DTNA: variants seen among roughly 807,000 people sequenced by gnomAD.
DTNA encodes the protein dystrobrevin alpha, also known as dystrophin-related protein 3.
DTNA carries 43 observed loss-of-function variants against 100.7 expected under a neutral mutation model. The observed-to-expected ratio is 0.43, with a 90% confidence interval of 0.33 to 0.55. The LOEUF is 0.55. Among genes scored for constraint, DTNA ranks in the 20% least tolerant of loss-of-function variants. DTNA has a pLI of 0.04. For synonymous variants in DTNA, 349 were observed against 347.9 expected (o/e 1.00, Z -0.04); for missense variants, 798 against 953.9 (o/e 0.84, Z 2.15).
intron 1 of DTNA, among the ~76,000 whole-genome samples, chr18:34,661,869 C>T (rs550679135): frequency 1.3e-5 from 2 of 152,036 alleles, no homozygotes; most frequent in South Asian, 2.1e-4. Flanking sequence ...ATGTGGCCTA[C>T]CCAGTTTGGG....
chr18:34,685,508 T>G (rs1204045941), intron 1 of DTNA, among the ~76,000 whole-genome samples: 1 of 152,242 alleles, frequency 6.6e-6, no homozygotes, highest in African/African-American at 2.4e-5. Flanking sequence ...ATATCTGTGT[T>G]GGTACCAGTA....
intron 1 of DTNA, among the ~76,000 whole-genome samples, chr18:34,751,468 T>C (rs1426026032): frequency 1.3e-5 from 2 of 152,232 alleles, no homozygotes; most frequent in African/African-American, 2.4e-5. Context: ...TGGAAAGCCC[T>C]TTATCGTCTA....
chr18:34,564,136 A>G (rs994150384), intron 1 of DTNA, among the ~76,000 whole-genome samples: 1 of 151,326 alleles, frequency 6.6e-6, no homozygotes, highest in Non-Finnish European at 1.5e-5. Flanking sequence ...TTCGACCAAC[A>G]TGTCCGTACT....
At chr18:34,782,885 G>A (rs1368418875) in intron 3 of DTNA, among the ~76,000 whole-genome samples, 1 of 152,152 alleles carries the variant, frequency 6.6e-6, no homozygotes, top group Non-Finnish European at 1.5e-5. Flanking sequence ...GAGACAGAAA[G>A]TGGAGGTGAG....
chr18:34,775,343 A>G (rs905959838), intron 3 of DTNA, among the ~76,000 whole-genome samples: 1 of 151,978 alleles, frequency 6.6e-6, no homozygotes, highest in Non-Finnish European at 1.5e-5. Flanking sequence ...AAAATTAACC[A>G]GGCTTGGTGG....
At chr18:34,860,220 GTTTTTTTTTTTTTTTTT>G (rs55673388) in intron 16 of DTNA, among the ~76,000 whole-genome samples, 1 of 80,254 alleles carries the variant, frequency 1.2e-5, no homozygotes, top group Non-Finnish European at 2.4e-5. Flanking sequence ...CTAATTTTTT[GTTTTTTTTTTTTTTTTT>G]TTTTTTTTTT....
intron 1 of DTNA, among the ~76,000 whole-genome samples, chr18:34,598,557 A>G (rs768569828): frequency 4.6e-5 from 7 of 152,260 alleles, no homozygotes; most frequent in Non-Finnish European, 7.4e-5. Flanking sequence ...CTTGTGGAAA[A>G]CTTTTCTTAA....
intron 1 of DTNA, among the ~76,000 whole-genome samples, chr18:34,599,834 C>T (rs1044345248): frequency 1.3e-5 from 2 of 152,070 alleles, no homozygotes; most frequent in African/African-American, 4.8e-5. Context: ...CCCGCCACCA[C>T]GCCTAGCTAA....
chr18:34,766,175 G>A, intron 3 of DTNA, 134 bp downstream of exon 3: 1 of 1,043,088 alleles, frequency 9.6e-7, no homozygotes. Flanking sequence ...CAATAAAAGG[G>A]GTATTATGAG....
chr18:34,701,511 C>T (rs949116152), intron 1 of DTNA, among the ~76,000 whole-genome samples: 3 of 152,066 alleles, frequency 2.0e-5, no homozygotes, highest in South Asian at 2.1e-4. Context: ...TCTTCTCTTC[C>T]CAGGACTTAA....
At chr18:34,881,417 G>T (rs151187078) in intron 20 of DTNA, among the ~76,000 whole-genome samples, 18 of 141,002 alleles carry the variant, frequency 1.3e-4, no homozygotes, top group African/African-American at 4.3e-4. Context: ...ATTTGATAGT[G>T]GAATTGGATA....
chr18:34,529,531 A>G (rs2042949483), intron 1 of DTNA, among the ~76,000 whole-genome samples: 1 of 152,106 alleles, frequency 6.6e-6, no homozygotes, highest in Non-Finnish European at 1.5e-5. Context: ...TGAATTACAC[A>G]ATTCACAGTG....
chr18:34,815,445 A>G (rs1364711374), intron 6 of DTNA, among the ~76,000 whole-genome samples: 1 of 152,200 alleles, frequency 6.6e-6, no homozygotes, highest in African/African-American at 2.4e-5. Flanking sequence ...AGAACCATTC[A>G]CATTAACCAC....
intron 1 of DTNA, among the ~76,000 whole-genome samples, chr18:34,621,286 T>A (rs2056458760): frequency 1.3e-5 from 2 of 150,826 alleles, no homozygotes; most frequent in African/African-American, 4.9e-5. Flanking sequence ...TACACACACA[T>A]CAATATATCC....
chr18:34,797,498 C>T (rs2095032402), intron 4 of DTNA, among the ~76,000 whole-genome samples: 1 of 152,168 alleles, frequency 6.6e-6, no homozygotes, highest in Non-Finnish European at 1.5e-5. Flanking sequence ...TTCCGCTCCT[C>T]TGTCTCCTCC....
intron 1 of DTNA, among the ~76,000 whole-genome samples, chr18:34,702,933 G>A (rs2081581083): frequency 6.6e-6 from 1 of 152,178 alleles, no homozygotes; most frequent in African/African-American, 2.4e-5. Context: ...TAACTATAAA[G>A]ATGTTGACTG....
chr18:34,770,561 A>G (rs769184236), intron 3 of DTNA, among the ~76,000 whole-genome samples: 3 of 152,122 alleles, frequency 2.0e-5, no homozygotes, highest in Non-Finnish European at 4.4e-5. Flanking sequence ...CTTCTGTTCA[A>G]TTCCTAATGT....
chr18:34,613,016 G>A (rs2054538929), intron 1 of DTNA, among the ~76,000 whole-genome samples: 1 of 152,082 alleles, frequency 6.6e-6, no homozygotes, highest in African/African-American at 2.4e-5. Flanking sequence ...TGGCAACCCT[G>A]CCTCAAGCAA....
chr18:34,532,728 A>G (rs1415529303), intron 1 of DTNA, among the ~76,000 whole-genome samples: 1 of 147,364 alleles, frequency 6.8e-6, no homozygotes, highest in Non-Finnish European at 1.5e-5. Context: ...ACCTCTGAGA[A>G]TGAGAACTGT....
Sources: gnomAD v4.1 joint callset for allele counts (sites outside exome capture counted in the v4.1 genomes callset) on GRCh38, gnomAD v4.1.1 for gene constraint, MANE v1.5 for transcripts, NCBI Gene and HGNC (gene_info 2026-07-23, HGNC 2026-07-21) for gene names.